The following SLC35F1 variants were observed in gnomAD, a reference collection of about 807,000 sequenced individuals.
The protein encoded by SLC35F1 is solute carrier family 35 member F1, also known as chromosome 6 open reading frame 169.
SLC35F1 carries 14 observed loss-of-function variants against 48.7 expected under a neutral mutation model. That is an observed-to-expected ratio of 0.29 (90% CI 0.19 to 0.45). SLC35F1 has a LOEUF of 0.45. SLC35F1 is among the 20% of genes least tolerant of loss of function. The pLI, the probability that SLC35F1 is intolerant of heterozygous loss-of-function variation, is 1.00. For missense variants in SLC35F1, 404 were observed against 500.0 expected (o/e 0.81, Z 1.83); for synonymous variants, 190 against 202.2 (o/e 0.94, Z 0.51).
At chr6:118,072,444 G>C (rs1191808678) in intron 1 of SLC35F1, among the ~76,000 whole-genome samples, 2 of 152,032 alleles carry the variant, frequency 1.3e-5, no homozygotes, top group Non-Finnish European at 1.5e-5. Context: ...GGCGCCTGTA[G>C]TCCCAGCTAC....
intron 2 of SLC35F1, among the ~76,000 whole-genome samples, chr6:118,225,892 T>G (rs1398274993): frequency 3.0e-5 from 3 of 101,610 alleles, no homozygotes; most frequent in Non-Finnish European, 4.3e-5. Context: ...AAAAAAAAAA[T>G]CTTCACAGCA....
At chr6:118,209,943 T>C (rs1163956946) in intron 2 of SLC35F1, among the ~76,000 whole-genome samples, 2 of 152,248 alleles carry the variant, frequency 1.3e-5, no homozygotes, top group Admixed American at 6.5e-5. Flanking sequence ...TCCAAAGATT[T>C]GATTTGTACG....
At chr6:118,272,336 C>T (rs926775552) in intron 4 of SLC35F1, among the ~76,000 whole-genome samples, 2 of 152,096 alleles carry the variant, frequency 1.3e-5, no homozygotes, top group African/African-American at 4.8e-5. Flanking sequence ...AGAGAACTAT[C>T]GGTTTGGGTA....
At chr6:118,188,971 G>A (rs1774696863) in intron 2 of SLC35F1, among the ~76,000 whole-genome samples, 1 of 152,142 alleles carries the variant, frequency 6.6e-6, no homozygotes. Context: ...GAGTGCAGTG[G>A]TGCAGTCATG....
chr6:117,931,917 T>C (rs978954397), intron 1 of SLC35F1, among the ~76,000 whole-genome samples: 1 of 152,246 alleles, frequency 6.6e-6, no homozygotes, highest in Non-Finnish European at 1.5e-5. Flanking sequence ...AATACATTGC[T>C]GTGGTTTGAA....
intron 3 of SLC35F1, among the ~76,000 whole-genome samples, chr6:118,246,794 G>C (rs1775512938): frequency 6.6e-6 from 1 of 152,140 alleles, no homozygotes. Flanking sequence ...AGGCAAAAAT[G>C]ATGCAACCAA....
rs546791270 is a variant in SLC35F1, at chr6:118,294,447, T to G, written c.1002+9109T>G. Among the ~76,000 whole-genome samples, 67 of 152,342 alleles carry G rather than the reference T, an allele frequency of 4.4e-4. 1 individual carries two copies. Among genetic ancestry groups the G allele is most frequent in the Admixed American group, 3.9e-3 (59 of 15,302 alleles). ...TTCTTCAGGAAAATAGCAGCTGACA[T>G]GAAATATACAGAAAATTCCTTTTTG... On this transcript the variant is annotated intron_variant, in intron 7 of 7. Transcript: ENST00000360388.
At chr6:118,312,581 G>A (rs144591337) in intron 7 of SLC35F1, among the ~76,000 whole-genome samples, 144 of 152,276 alleles carry the variant, frequency 9.5e-4, no homozygotes, top group Non-Finnish European at 1.4e-3. Flanking sequence ...AAAAATAAAG[G>A]AATTGAGGGA....
chr6:118,070,228 C>G (rs1185342204), intron 1 of SLC35F1, among the ~76,000 whole-genome samples: 1 of 150,070 alleles, frequency 6.7e-6, no homozygotes, highest in East Asian at 2.0e-4. Flanking sequence ...CTAAGAGAAT[C>G]TAAGAGTAAA....
At chr6:118,025,413 C>T (rs1356539094) in intron 1 of SLC35F1, among the ~76,000 whole-genome samples, 3 of 152,106 alleles carry the variant, frequency 2.0e-5, no homozygotes, top group East Asian at 3.8e-4. Flanking sequence ...AACTCATCGT[C>T]GTTGATACTA....
chr6:118,123,851 C>G (rs536181127), intron 1 of SLC35F1, among the ~76,000 whole-genome samples: 5 of 152,142 alleles, frequency 3.3e-5, no homozygotes, highest in Non-Finnish European at 7.4e-5. Context: ...TACAGAACTT[C>G]TTGTAGGAGG....
chr6:117,954,573 A>T lies in SLC35F1; in HGVS notation c.173+46674A>T, dbSNP rs535490497. ...TGCGCTTGGCTGTTTTTTTCTTTTT[A>T]AAGAGTCACTGAGATAATGCTACTT... On this transcript the variant is annotated intron_variant, in intron 1 of 7. Transcript: ENST00000360388. Among the ~76,000 whole-genome samples the T allele has an allele frequency of 2.6e-5, 4 of 152,228 alleles. No homozygotes were observed. In the South Asian group the frequency reaches 6.2e-4, roughly 24 times the overall value.
chr6:117,994,202 G>GCC (rs568242477), intron 1 of SLC35F1, among the ~76,000 whole-genome samples: 551 of 151,220 alleles, frequency 3.6e-3, no homozygotes, highest in Admixed American at 5.4e-3. Flanking sequence ...TTATCACATT[G>GCC]CCCCCCCCAT....
intron 1 of SLC35F1, among the ~76,000 whole-genome samples, chr6:118,064,495 A>G (rs1191242625): frequency 6.6e-6 from 1 of 152,140 alleles, no homozygotes; most frequent in Non-Finnish European, 1.5e-5. Flanking sequence ...TTGTTTGGTC[A>G]GAGCTGCTAA....
chr6:118,222,910 T>A (rs1039945440), intron 2 of SLC35F1, among the ~76,000 whole-genome samples: 1 of 152,210 alleles, frequency 6.6e-6, no homozygotes, highest in African/African-American at 2.4e-5. Context: ...GTATATTACA[T>A]TTCCTGACCC....
chr6:118,097,357 G>T (rs187107077), intron 1 of SLC35F1, among the ~76,000 whole-genome samples: 38 of 152,300 alleles, frequency 2.5e-4, no homozygotes, highest in Middle Eastern at 3.4e-3. Flanking sequence ...AAGGGAGAAG[G>T]GGGCTCCAGG....
intron 1 of SLC35F1, among the ~76,000 whole-genome samples, chr6:117,950,607 C>A (rs1776351714): frequency 6.6e-6 from 1 of 152,108 alleles, no homozygotes; most frequent in Admixed American, 6.5e-5. Context: ...ATGTGAATGA[C>A]AATGGCTCTG....
intron 1 of SLC35F1, among the ~76,000 whole-genome samples, chr6:118,135,109 A>G (rs923206625): frequency 6.6e-6 from 1 of 152,216 alleles, no homozygotes; most frequent in African/African-American, 2.4e-5. Context: ...TACTTCTGAA[A>G]TAAGGCATCC....
At chr6:117,958,173 A>G (rs1352058132) in intron 1 of SLC35F1, among the ~76,000 whole-genome samples, 1 of 152,208 alleles carries the variant, frequency 6.6e-6, no homozygotes, top group Admixed American at 6.5e-5. Flanking sequence ...AATTTTAAAA[A>G]TAGGAAAAAG....
Sources: gnomAD v4.1 joint callset for allele counts (sites outside exome capture counted in the v4.1 genomes callset) on GRCh38, gnomAD v4.1.1 for gene constraint, MANE v1.5 for transcripts, NCBI Gene and HGNC (gene_info 2026-07-23, HGNC 2026-07-21) for gene names.